The following FANCD2 variants were observed in gnomAD, a reference collection of about 807,000 sequenced individuals.
The protein encoded by FANCD2 is Fanconi anemia group D2 protein.
Under a neutral mutation model 192.3 loss-of-function variants are expected in FANCD2, and 131 were observed. The observed-to-expected ratio is 0.68, with a 90% confidence interval of 0.59 to 0.79. FANCD2 has a LOEUF of 0.79. FANCD2 is among the 30% of genes least tolerant of loss of function. The pLI, the probability that FANCD2 is intolerant of heterozygous loss-of-function variation, is 0.00. For missense variants in FANCD2, 1,508 were observed against 1,701.6 expected (o/e 0.89, Z 2.00); for synonymous variants, 524 against 612.5 (o/e 0.86, Z 2.13).
At chr3:10,044,740 A>G (rs910142256) in intron 14 of FANCD2, among the ~76,000 whole-genome samples, 5 of 152,244 alleles carry the variant, frequency 3.3e-5, no homozygotes, top group Non-Finnish European at 5.9e-5. Context: ...ATGCTGAATA[A>G]AGCAATGAAA....
chr3:10,048,970 T>C (rs2125005433), intron 16 of FANCD2, among the ~76,000 whole-genome samples: 1 of 152,256 alleles, frequency 6.6e-6, no homozygotes, highest in African/African-American at 2.4e-5. Context: ...CATGCAAGTC[T>C]AGCCTGTACT....
intron 18 of FANCD2, among the ~76,000 whole-genome samples, chr3:10,056,504 C>A (rs868414431): frequency 6.6e-6 from 1 of 151,842 alleles, no homozygotes; most frequent in Admixed American, 6.6e-5. Flanking sequence ...TTAAAAATTT[C>A]TTTTGATTTT....
chr3:10,096,246 A>T, intron 41 of FANCD2, 80 bp from the exon 42 acceptor site: 1 of 1,468,860 alleles, frequency 6.8e-7, no homozygotes, highest in Non-Finnish European at 9.5e-7. Context: ...GTTCTTATTC[A>T]ACATTCAAAG....
chr3:10,044,656 T>C (rs1021545646), intron 14 of FANCD2, among the ~76,000 whole-genome samples: 7 of 152,136 alleles, frequency 4.6e-5, no homozygotes, highest in African/African-American at 1.7e-4. Flanking sequence ...TTTTCTTTGG[T>C]TGGAATCTGT....
At chr3:10,084,506 C>T (rs1023328802) in intron 32 of FANCD2, among the ~76,000 whole-genome samples, 1 of 151,500 alleles carries the variant, frequency 6.6e-6, no homozygotes, top group African/African-American at 2.4e-5. Context: ...CCATGTTGCC[C>T]CCAGGCTGGT....
At chr3:10,069,686 G>C (rs1292077444) in intron 26 of FANCD2, among the ~76,000 whole-genome samples, 1 of 152,108 alleles carries the variant, frequency 6.6e-6, no homozygotes, top group Non-Finnish European at 1.5e-5. Context: ...CCGGTCTCCA[G>C]CTCCTAACCG....
intron 2 of FANCD2, among the ~76,000 whole-genome samples, chr3:10,031,559 A>C (rs566246593): frequency 6.6e-6 from 1 of 151,922 alleles, no homozygotes; most frequent in East Asian, 1.9e-4. Flanking sequence ...ACAAAATGGC[A>C]TCATTAAGGG....
Position 10,072,930 on chromosome 3 carries a change from C to T in FANCD2, c.2554C>T (p.Pro852Ser), listed in dbSNP as rs777727311. 8.7e-6 allele frequency: 14 copies of T among 1,611,834 alleles called. No individual in the cohort carries two copies. Among genetic ancestry groups the T allele is most frequent in the African/African-American group, 4.0e-5 (3 of 74,874 alleles). The change falls in exon 27 of 44, where the codon CCT (proline) becomes TCT (serine). Residue 852 changes from proline (P) to serine (S), a missense_variant. Transcript: ENST00000675286. ...NFDVETLDITPHTVTAISAKI... is the reference protein window; with the variant it reads ...NFDVETLDITSHTVTAISAKI... Reference sequence around the variant, plus strand: ...TGATGTGGAAACTTTAGATATAACACCTCATACTGTTACTGCTATTTCAGC... The same window carrying T: ...TGATGTGGAAACTTTAGATATAACATCTCATACTGTTACTGCTATTTCAGC...
At chr3:10,101,164 A>T (rs376303652) in intron 43 of FANCD2, 24 bp from the exon 44 acceptor site, 1 of 1,584,378 alleles carries the variant, frequency 6.3e-7, no homozygotes, top group Non-Finnish European at 8.7e-7. Context: ...TAAAATGCTT[A>T]TTTATTTATT....
rs1216626286 is a variant in FANCD2 at position 10,035,536 on chromosome 3, A to G, written c.438+303A>G. ...TAATCTTTATCATATTCATATCTAC[A>G]TTATCTCCCATTTAGCTTTTTAGAT... On this transcript the variant is annotated intron_variant, in intron 6 of 43. Coordinates refer to ENST00000675286, the MANE Select transcript of FANCD2 (RefSeq NM_001018115.3). Among the ~76,000 whole-genome samples, 3 of 152,210 alleles carry G rather than the reference A, an allele frequency of 2.0e-5. No individual in the cohort carries two copies. In the South Asian group the frequency reaches 6.2e-4, roughly 32 times the overall value.
chr3:10,074,879 A>G (rs960515603), intron 29 of FANCD2, among the ~76,000 whole-genome samples: 1 of 152,226 alleles, frequency 6.6e-6, no homozygotes, highest in Admixed American at 6.5e-5. Flanking sequence ...CAGACATTAT[A>G]AAATATCATG....
At chr3:10,069,874 C>A (rs541958538) in intron 26 of FANCD2, among the ~76,000 whole-genome samples, 1 of 151,984 alleles carries the variant, frequency 6.6e-6, no homozygotes, top group African/African-American at 2.4e-5. Context: ...AGCCTCTGCC[C>A]GGCCGCCACC....
At chr3:10,032,105 A>C (rs544902101) in intron 2 of FANCD2, among the ~76,000 whole-genome samples, 1 of 152,240 alleles carries the variant, frequency 6.6e-6, no homozygotes, top group African/African-American at 2.4e-5. Context: ...TCGGCCTCCC[A>C]AAGTGCTGGG....
intron 29 of FANCD2, 117 bp from the exon 30 acceptor site, chr3:10,077,964 T>G (rs1027681300): frequency 1.3e-6 from 1 of 785,872 alleles, no homozygotes; most frequent in Non-Finnish European, 2.3e-6. Flanking sequence ...GGCCCAGGAG[T>G]TCAAGGCTGG....
chr3:10,052,335 A>G, intron 17 of FANCD2, 52 bp from the exon 18 acceptor site: 1 of 1,192,766 alleles, frequency 8.4e-7, no homozygotes, highest in Non-Finnish European at 1.3e-6. Context: ...TTTGAATTTT[A>G]AGGGAAAAAT....
rs771855724 is a variant in FANCD2 at position 10,078,229 on chromosome 3, A to G, written c.2976+32A>G. On this transcript the variant is annotated intron_variant, in intron 30 of 43. Coordinates refer to ENST00000675286, the MANE Select transcript of FANCD2 (RefSeq NM_001018115.3). ...GTAGGCAGAAGCATAGGACTTGGGCATAGTGGATTTGGGAACAAAGGAGGT... is the reference window on the plus strand; with the variant it reads ...GTAGGCAGAAGCATAGGACTTGGGCGTAGTGGATTTGGGAACAAAGGAGGT... 9 of 1,425,314 alleles carry G rather than the reference A, an allele frequency of 6.3e-6. No individual in the cohort carries two copies. In the African/African-American group the frequency reaches 1.1e-4, roughly 18 times the overall value. 88.3% of individuals were successfully genotyped at this position (1,425,314 alleles called of 1,614,324 possible). A position where few individuals can be genotyped will look rare whatever the true frequency, so the allele number is the denominator to read the frequency against.
chr3:10,042,755 T>G, intron 11 of FANCD2, 92 bp downstream of exon 11: 6 of 994,452 alleles, frequency 6.0e-6, no homozygotes, highest in Middle Eastern at 4.1e-4. Flanking sequence ...TACTGACTAA[T>G]CCGGATAGCA....
chr3:10,043,648 G>A (rs2086923092), intron 13 of FANCD2, 56 bp downstream of exon 13: 2 of 1,397,082 alleles, frequency 1.4e-6, no homozygotes, highest in Non-Finnish European at 2.0e-6. Context: ...ATTAGTGACA[G>A]ATGTATAACT....
chr3:10,053,280 A>G (rs1441422058), intron 18 of FANCD2, among the ~76,000 whole-genome samples: 1 of 151,800 alleles, frequency 6.6e-6, no homozygotes, highest in Non-Finnish European at 1.5e-5. Flanking sequence ...TCGCAAGAAC[A>G]AAAAACCGCA....
Sources: allele counts gnomAD v4.1 joint callset (sites outside exome capture counted in the v4.1 genomes callset), GRCh38; gene constraint gnomAD v4.1.1; transcripts MANE v1.5; gene names NCBI Gene and HGNC (gene_info 2026-07-23, HGNC 2026-07-21).